The following MKS1 variants were observed in gnomAD, a reference collection of about 807,000 sequenced individuals.
MKS1 encodes MKS transition zone complex subunit 1, also known as tectonic-like complex member MKS1.
MKS1 carries 70 observed loss-of-function variants against 83.7 expected under a neutral mutation model. The ratio of observed to expected loss-of-function variants is 0.84; its 90% CI spans 0.69 to 1.02. The LOEUF is 1.02. MKS1 is among the 50% of genes least tolerant of loss of function. The probability of loss-of-function intolerance (pLI) is 0.00; values close to 1 mark genes in which losing one functional copy is unlikely to be tolerated. For synonymous variants in MKS1, 251 were observed against 273.4 expected, an observed-to-expected ratio of 0.92 and a Z score of 0.81; for missense variants, 681 against 726.9, an observed-to-expected ratio of 0.94 and a Z score of 0.73.
intron 3 of MKS1, 101 bp from the exon 4 acceptor site, chr17:58,216,344 C>T (rs1262176433): frequency 7.9e-7 from 1 of 1,264,164 alleles, no homozygotes; most frequent in Non-Finnish European, 1.1e-6. Flanking sequence ...AGAACTGATG[C>T]TATCTGACAT....
At position 58,209,242 on chromosome 17, in the gene MKS1, A is replaced by G. The variant is rs1215574024; in HGVS notation, c.1025-659T>C. ...CGGGCAGAGGCGCTCCTCACTTCCCAGACGGGGCGGACAGTTTCTTTATTC... is the reference window on the plus strand; with the variant it reads ...CGGGCAGAGGCGCTCCTCACTTCCCGGACGGGGCGGACAGTTTCTTTATTC... On this transcript the variant is annotated intron_variant, in intron 11 of 17. Transcript: ENST00000393119. This position sits in a 1 kb window ranked among gnomAD's most constrained non-coding sequence, Gnocchi z 4.1. 6.6e-6 allele frequency among the ~76,000 whole-genome samples: 1 copy of G among 152,176 alleles called. No individual in the cohort carries two copies. Among genetic ancestry groups the G allele is most frequent in the African/African-American group, 2.4e-5 (1 of 41,434 alleles).
intron 3 of MKS1, 88 bp downstream of exon 3, chr17:58,216,578 C>A: frequency 7.1e-7 from 1 of 1,408,074 alleles, no homozygotes; most frequent in Non-Finnish European, 1.0e-6. Context: ...TACAACCTGT[C>A]TGGAAATCAC....
Position 58,210,691 on chromosome 17 carries a change from T to A in MKS1, c.992A>T (p.Tyr331Phe), listed in dbSNP as rs1968821320. The A allele has an allele frequency of 6.2e-7, 1 of 1,614,064 alleles. No homozygotes were observed. Among genetic ancestry groups the A allele is most frequent in the Non-Finnish European group, 8.5e-7 (1 of 1,180,008 alleles). Reference sequence around the variant, plus strand: ...TGGCAATTCTACAAAGAAGTGGACGTAGAGATTGTCATACTCATAGCCTTG... The same window carrying A: ...TGGCAATTCTACAAAGAAGTGGACGAAGAGATTGTCATACTCATAGCCTTG... ...SAQGYEYDNL[Y>F]VHFFVELPTA... is the part of the protein sequence containing the mutation. Residue 331 changes from tyrosine to phenylalanine, a missense_variant, in exon 11 of 18, where the codon TAC becomes TTC. By Grantham distance (22) the Tyr-to-Phe change is conservative (BLOSUM62 3). Around this residue, in one of 3 missense-constraint regions of MKS1, gnomAD observed 310 missense variants for 321.7 expected, o/e 0.96. Coordinates refer to ENST00000393119, the MANE Select transcript of MKS1 (RefSeq NM_017777.4).
At chr17:58,211,122 G>C in intron 9 of MKS1, 100 bp from the exon 10 acceptor site, 1 of 1,213,650 alleles carries the variant, frequency 8.2e-7, no homozygotes, top group Non-Finnish European at 1.2e-6. Flanking sequence ...TGCCACTAGG[G>C]GTCAGGCCCT....
chr17:58,208,357 G>A (rs553746640), intron 12 of MKS1, 156 bp downstream of exon 12: 3 of 986,810 alleles, frequency 3.0e-6, no homozygotes, highest in East Asian at 2.6e-5. Flanking sequence ...AGACAGACAG[G>A]ATCTCCGGAC....
At chr17:58,207,672 A>T in intron 14 of MKS1, 1 of 625,656 alleles carries the variant, frequency 1.6e-6, no homozygotes, top group Non-Finnish European at 2.9e-6. Context: ...CAATCAGAGG[A>T]GCATGAAGCA....
chr17:58,213,187 A>T (rs1968986679), intron 7 of MKS1, 97 bp from the exon 8 acceptor site: 2 of 1,146,300 alleles, frequency 1.7e-6, no homozygotes, highest in Non-Finnish European at 2.6e-6. Context: ...GGGGCCATAC[A>T]CCTCACTAAA....
rs933500901 is a variant in MKS1 at position 58,208,308 on chromosome 17, A to T, written c.1096-134T>A. On this transcript the variant is annotated intron_variant, in intron 12 of 17. Transcript: ENST00000393119. ...GGTGGGAAATAGGAGTCTGAGATGC[A>T]AAAGGACACCCAAATACAAGCTGCT... 6.2e-6 allele frequency: 6 copies of T among 970,596 alleles called. No homozygotes were observed. The South Asian group carries it at 8.3e-5, about 13-fold the overall frequency. 60.1% of individuals were successfully genotyped at this position (970,596 alleles called of 1,614,324 possible).
In MKS1 at chr17:58,212,590, C is replaced by G. The variant is rs3785494; in HGVS notation, c.859-156G>C. 0.091 allele frequency among the ~76,000 whole-genome samples: 13,915 copies of G among 152,152 alleles called. 689 individuals carry two copies. The highest frequency in any genetic ancestry group is 0.1 in the African/African-American group (4,159 of 41,500). On this transcript the variant is annotated intron_variant, in intron 8 of 17. Transcript: ENST00000393119. ...CGCCATTTTACCGTGAAGCAGAGGC[C>G]CTGGAGTCAGCTGGTCTGGGGCAGA...
intron 9 of MKS1, 66 bp from the exon 10 acceptor site, chr17:58,211,088 C>T: frequency 1.3e-6 from 2 of 1,550,384 alleles, no homozygotes; most frequent in Non-Finnish European, 1.8e-6. Context: ...TCCTCCAGCC[C>T]CATCTACAAA....
intron 4 of MKS1, 109 bp downstream of exon 4, chr17:58,215,979 G>T: frequency 3.7e-6 from 5 of 1,340,398 alleles, no homozygotes; most frequent in Non-Finnish European, 5.3e-6. Flanking sequence ...TCCTAGACAG[G>T]CTACTTGTCT....
intron 1 of MKS1, 187 bp from the exon 2 acceptor site, chr17:58,218,916 G>A (rs1055979922): frequency 1.2e-6 from 1 of 822,520 alleles, no homozygotes; most frequent in Non-Finnish European, 2.0e-6. Flanking sequence ...TGTACTGGGG[G>A]CACAGGGCTT....
chr17:58,206,543 T>TC lies in MKS1; in HGVS notation c.1411dup (p.Glu471GlyfsTer120), dbSNP rs762668200. 17 of 1,612,106 alleles carry TC rather than the reference T, an allele frequency of 1.1e-5. No homozygotes were observed. In the East Asian group the frequency reaches 3.8e-4, roughly 36 times the overall value. ...GCGGAGTCCAAAGCGGCTCAGGCGTTCCCCCTGTGGCATGCCATTGGGACA... is the reference window on the plus strand; with the variant it reads ...GCGGAGTCCAAAGCGGCTCAGGCGTTCCCCCCTGTGGCATGCCATTGGGACA... On this transcript the variant is annotated frameshift_variant, in exon 16 of 18. Coordinates refer to ENST00000393119, the MANE Select transcript of MKS1 (RefSeq NM_017777.4). LOFTEE classifies it high-confidence loss of function.
intron 2 of MKS1, among the ~76,000 whole-genome samples, chr17:58,217,867 C>G (rs1211653000): frequency 1.3e-5 from 2 of 152,100 alleles, no homozygotes; most frequent in Non-Finnish European, 1.5e-5. Context: ...TTGGGTATGC[C>G]TTTTTCAGAG....
At chr17:58,208,665 T>C in intron 11 of MKS1, 82 bp from the exon 12 acceptor site, 1 of 1,323,702 alleles carries the variant, frequency 7.6e-7, no homozygotes, top group Non-Finnish European at 1.1e-6. Context: ...TTTTTTCTTT[T>C]CTTTTTTTTT....
intron 11 of MKS1, among the ~76,000 whole-genome samples, chr17:58,210,148 G>A (rs1968786764): frequency 6.6e-6 from 1 of 152,176 alleles, no homozygotes; most frequent in Admixed American, 6.5e-5. Context: ...GTTCTTTTTG[G>A]TCATGTTAGA....
Position 58,206,107 on chromosome 17 carries a change from A to G in MKS1, c.1652T>C (p.Val551Ala). 6.2e-7 allele frequency: 1 copy of G among 1,613,150 alleles called. No individual in the cohort carries two copies. The highest frequency in any genetic ancestry group is 8.5e-7 in the Non-Finnish European group (1 of 1,179,768). Residue 551 changes from valine to alanine, a missense_variant, in exon 18 of 18, where the codon GTG (valine) becomes GCG (alanine). By Grantham distance (64) the Val-to-Ala change is moderately conservative. Around this residue, in one of 3 missense-constraint regions of MKS1, gnomAD observed 310 missense variants for 321.7 expected, o/e 0.96. Coordinates refer to ENST00000393119, the MANE Select transcript of MKS1 (RefSeq NM_017777.4). ...GGAGACCAGGGTTCCAGAGGGGCTCACTAGGTCCTGCGGGAGGCTTTCCCG... is the reference window on the plus strand; with the variant it reads ...GGAGACCAGGGTTCCAGAGGGGCTCGCTAGGTCCTGCGGGAGGCTTTCCCG... Reference protein sequence around the residue: ...EARESLPQDLVSPSGTLVS With the variant: ...EARESLPQDLASPSGTLVS
rs545881917 is a variant in MKS1, at chr17:58,214,964, C to T, written c.418-126G>A. 1.5e-4 allele frequency: 211 copies of T among 1,442,682 alleles called. No homozygotes were observed. In the African/African-American group the frequency reaches 2.5e-3, roughly 17 times the overall value. The allele number at this position is 1,442,682 out of a possible 1,614,324, so 89.4% of individuals were successfully genotyped here. A position where few individuals can be genotyped will look rare whatever the true frequency, so the allele number is the denominator to read the frequency against. ...GAACCCCACAGGTTCCGCCACCTCACAATTATACATGCTAACGGAGGGAGC... is the reference window on the plus strand; with the variant it reads ...GAACCCCACAGGTTCCGCCACCTCATAATTATACATGCTAACGGAGGGAGC... On this transcript the variant is annotated intron_variant, in intron 4 of 17. Transcript: ENST00000393119.
At chr17:58,216,022 C>A in intron 4 of MKS1, 66 bp downstream of exon 4, 1 of 1,574,854 alleles carries the variant, frequency 6.3e-7, no homozygotes, top group Non-Finnish European at 8.7e-7. Context: ...ACACACAGAA[C>A]TCAGTGAGGC....
Sources: gnomAD v4.1 joint callset for allele counts (sites outside exome capture counted in the v4.1 genomes callset) on GRCh38, gnomAD v4.1.1 for gene constraint, gnomAD v4.1.1 regional missense constraint, Gnocchi (gnomAD v3.1) non-coding constraint, MANE v1.5 for transcripts, NCBI Gene and HGNC (gene_info 2026-07-23, HGNC 2026-07-21) for gene names.